DOK6: variants seen among roughly 807,000 people sequenced by gnomAD.
The protein encoded by DOK6 is docking protein 6, also known as downstream of tyrosine kinase 6.
Under a neutral mutation model 44.0 loss-of-function variants are expected in DOK6, and 22 were observed. The observed-to-expected ratio is 0.50, with a 90% CI of 0.36 to 0.71. DOK6 has a LOEUF of 0.71. Among genes scored for constraint, DOK6 ranks in the 30% least tolerant of loss-of-function variants. DOK6 has a pLI of 0.00. For missense variants in DOK6, 340 were observed against 416.4 expected, an observed-to-expected ratio of 0.82 and a Z score of 1.60; for synonymous variants, 166 against 145.5, an observed-to-expected ratio of 1.14 and a Z score of -1.01.
intron 5 of DOK6, among the ~76,000 whole-genome samples, chr18:69,722,330 A>G (rs144689116): frequency 1.9e-4 from 29 of 152,306 alleles, no homozygotes; most frequent in Middle Eastern, 3.4e-3. Flanking sequence ...GCAACTCCTC[A>G]TTAGTGTGGG....
intron 1 of DOK6, among the ~76,000 whole-genome samples, chr18:69,552,094 C>T (rs1350500166): frequency 6.6e-6 from 1 of 152,082 alleles, no homozygotes; most frequent in East Asian, 1.9e-4. Context: ...AAATCACTTT[C>T]CTGGAACATA....
intron 3 of DOK6, among the ~76,000 whole-genome samples, chr18:69,631,547 A>T (rs1984690093): frequency 1.3e-5 from 2 of 152,150 alleles, no homozygotes; most frequent in African/African-American, 4.8e-5. Context: ...CAAACAGACT[A>T]ATCGATCTAA....
intron 7 of DOK6, among the ~76,000 whole-genome samples, chr18:69,840,141 T>TG (rs1245003025): frequency 6.6e-6 from 1 of 152,200 alleles, no homozygotes; most frequent in Non-Finnish European, 1.5e-5. Flanking sequence ...CGAGTGACAT[T>TG]GCCAAGGACA....
At chr18:69,780,524 G>C (rs1980231718) in intron 7 of DOK6, among the ~76,000 whole-genome samples, 1 of 152,162 alleles carries the variant, frequency 6.6e-6, no homozygotes, top group Admixed American at 6.5e-5. Flanking sequence ...CCCAGGAGAT[G>C]GAGGTTGTAG....
chr18:69,469,750 G>A (rs1980037710), intron 1 of DOK6: 2 of 255,522 alleles, frequency 7.8e-6, no homozygotes, highest in South Asian at 7.3e-5. Context: ...CGAGAGGCCA[G>A]GACGCCATCG....
chr18:69,614,750 G>C (rs1231127046), intron 3 of DOK6, among the ~76,000 whole-genome samples: 1 of 151,518 alleles, frequency 6.6e-6, no homozygotes, highest in Non-Finnish European at 1.5e-5. Flanking sequence ...GGAGCCTACT[G>C]TAAAGTCCAA....
chr18:69,424,831 A>T (rs1978593119), intron 1 of DOK6, among the ~76,000 whole-genome samples: 1 of 152,142 alleles, frequency 6.6e-6, no homozygotes, highest in East Asian at 1.9e-4. Flanking sequence ...ATTTATTAAA[A>T]TTCTTGTGCA....
chr18:69,708,429 G>C (rs555052032), intron 5 of DOK6, among the ~76,000 whole-genome samples: 1 of 152,078 alleles, frequency 6.6e-6, no homozygotes, highest in Non-Finnish European at 1.5e-5. Context: ...TCATCTGTGA[G>C]AACCTGATAA....
intron 2 of DOK6, among the ~76,000 whole-genome samples, chr18:69,592,967 AT>A (rs1421122453): frequency 5.9e-5 from 9 of 152,186 alleles, no homozygotes; most frequent in African/African-American, 1.9e-4. Context: ...ATGATAGTCA[AT>A]CCATATAGTA....
chr18:69,539,132 C>A (rs1982199835), intron 1 of DOK6, among the ~76,000 whole-genome samples: 1 of 152,110 alleles, frequency 6.6e-6, no homozygotes, highest in African/African-American at 2.4e-5. Flanking sequence ...CACTACAGCA[C>A]CAGAGTTAAC....
chr18:69,841,380 A>G lies in DOK6; in HGVS notation c.993A>G (p.Gln331=). 11 of 1,614,150 alleles carry G rather than the reference A, an allele frequency of 6.8e-6. No homozygotes were observed. Among genetic ancestry groups the G allele is most frequent in the Non-Finnish European group, 9.3e-6 (11 of 1,180,016 alleles). Residue 331 remains glutamine, a synonymous_variant, in exon 8 of 8, where the codon CAA becomes CAG. Transcript: ENST00000382713. ...YGFSYSSSLI[Q] is the part of the protein sequence containing the mutation. Reference sequence around the variant, plus strand: ...TCAGCTACAGCTCCAGCCTCATCCAATGACACACAGAGAGCCGCTGTTGAC... The same window carrying G: ...TCAGCTACAGCTCCAGCCTCATCCAGTGACACACAGAGAGCCGCTGTTGAC...
At chr18:69,725,877 C>T (rs566361757) in intron 5 of DOK6, among the ~76,000 whole-genome samples, 3 of 152,196 alleles carry the variant, frequency 2.0e-5, no homozygotes, top group East Asian at 3.9e-4. Context: ...TCAGGCAAAA[C>T]GGAATGGAGA....
chr18:69,421,975 G>C (rs1978506153), intron 1 of DOK6, among the ~76,000 whole-genome samples: 1 of 152,136 alleles, frequency 6.6e-6, no homozygotes, highest in South Asian at 2.1e-4. Flanking sequence ...ACAACTTCCA[G>C]TTTCCCTTAA....
chr18:69,568,399 G>A (rs2034308733), intron 2 of DOK6, among the ~76,000 whole-genome samples: 1 of 152,088 alleles, frequency 6.6e-6, no homozygotes, highest in Admixed American at 6.5e-5. Context: ...ACCTTACACT[G>A]GACAAAATAC....
At chr18:69,685,406 C>T (rs1986131005) in intron 4 of DOK6, among the ~76,000 whole-genome samples, 1 of 152,148 alleles carries the variant, frequency 6.6e-6, no homozygotes, top group South Asian at 2.1e-4. Flanking sequence ...CTACTCTGCA[C>T]ATTGAGGATA....
chr18:69,758,476 C>T (rs545566143), intron 7 of DOK6, among the ~76,000 whole-genome samples: 1 of 72,204 alleles, frequency 1.4e-5, no homozygotes, highest in Non-Finnish European at 4.5e-5. Context: ...TAATAGCTAG[C>T]AGATTTTTTT....
chr18:69,830,719 CAA>C (rs750727092), intron 7 of DOK6, among the ~76,000 whole-genome samples: 3 of 152,148 alleles, frequency 2.0e-5, no homozygotes, highest in Non-Finnish European at 2.9e-5. Flanking sequence ...GAACGTGAAT[CAA>C]GTCTTAAGGC....
At chr18:69,487,250 G>T (rs540555653) in intron 1 of DOK6, among the ~76,000 whole-genome samples, 2 of 150,272 alleles carry the variant, frequency 1.3e-5, no homozygotes, top group African/African-American at 4.9e-5. Flanking sequence ...TGTGTTGGGG[G>T]GTATCAGCCC....
intron 4 of DOK6, among the ~76,000 whole-genome samples, 155 bp from the exon 5 acceptor site, chr18:69,698,249 T>G (rs4414587): frequency 0.093 from 14,107 of 152,250 alleles, 957 homozygotes; most frequent in African/African-American, 0.19. Flanking sequence ...ATACAAATTT[T>G]GAAATATGTC....
Sources: gnomAD v4.1 joint callset for allele counts (sites outside exome capture counted in the v4.1 genomes callset) on GRCh38, gnomAD v4.1.1 for gene constraint, MANE v1.5 for transcripts, NCBI Gene and HGNC (gene_info 2026-07-23, HGNC 2026-07-21) for gene names.